FLI1: variants seen among roughly 807,000 people sequenced by gnomAD.
FLI1 encodes the protein Friend leukemia integration 1 transcription factor.
A neutral mutation model predicts 53.1 loss-of-function variants in FLI1; 13 were observed. The observed-to-expected ratio is 0.24, with a 90% CI of 0.16 to 0.39. The LOEUF is 0.39. FLI1 is among the 10% of genes least tolerant of loss of function. The pLI is 1.00. For synonymous variants in FLI1, 244 were observed against 236.7 expected (o/e 1.03, Z -0.28); for missense variants, 424 against 600.5 (o/e 0.71, Z 3.07).
At chr11:128,740,503 T>G (rs1453713445) in intron 1 of FLI1, among the ~76,000 whole-genome samples, 1 of 152,238 alleles carries the variant, frequency 6.6e-6, no homozygotes, top group East Asian at 1.9e-4. Flanking sequence ...GGTTCCAACA[T>G]ACTTTTAGCT....
At chr11:128,799,750 T>G (rs1475439772) in intron 5 of FLI1, among the ~76,000 whole-genome samples, 1 of 152,132 alleles carries the variant, frequency 6.6e-6, no homozygotes, top group African/African-American at 2.4e-5. Flanking sequence ...GGTCCTGAGC[T>G]GTGGGTTGGG....
In FLI1 at chr11:128,777,791, A is replaced by G. The variant is rs534337827; in HGVS notation, c.590-4167A>G. Reference sequence around the variant, plus strand: ...CTGTGAGGGGGCACTGGTGAATTCTATGGTCACAGCGAGGCAGGAGACAAA... The same window carrying G: ...CTGTGAGGGGGCACTGGTGAATTCTGTGGTCACAGCGAGGCAGGAGACAAA... On this transcript the variant is annotated intron_variant, in intron 4 of 8. Coordinates refer to ENST00000527786, the MANE Select transcript of FLI1 (RefSeq NM_002017.5). Among the ~76,000 whole-genome samples, 11 of 152,352 alleles carry G rather than the reference A, an allele frequency of 7.2e-5. No individual in the cohort carries two copies. The East Asian group carries it at 1.9e-3, about 27-fold the overall frequency.
At chr11:128,741,703 T>G (rs574996394) in intron 1 of FLI1, among the ~76,000 whole-genome samples, 2 of 152,218 alleles carry the variant, frequency 1.3e-5, no homozygotes, top group African/African-American at 4.8e-5. Context: ...CCTGAGCCAA[T>G]GAAGTGTTAA....
intron 1 of FLI1, among the ~76,000 whole-genome samples, chr11:128,731,307 G>A (rs989358902): frequency 6.6e-6 from 1 of 152,192 alleles, no homozygotes; most frequent in African/African-American, 2.4e-5. Context: ...TAAATGTGGG[G>A]GGGTTGGTGA....
intron 4 of FLI1, among the ~76,000 whole-genome samples, chr11:128,775,144 A>G (rs1941692635): frequency 1.3e-5 from 2 of 152,186 alleles, no homozygotes; most frequent in African/African-American, 4.8e-5. Context: ...TTGAAAATGC[A>G]GGGCAGATAT....
chr11:128,692,545 A>T (rs1300920893), upstream of FLI1: 1 of 151,526 alleles, frequency 6.6e-6, no homozygotes, highest in African/African-American at 2.4e-5. Context: ...CGAACCCAAA[A>T]TTGGAGCCGA....
chr11:128,778,735 A>T (rs1422351159), intron 4 of FLI1, among the ~76,000 whole-genome samples: 2 of 152,210 alleles, frequency 1.3e-5, no homozygotes, highest in Non-Finnish European at 2.9e-5. Context: ...ATGTGCTGGC[A>T]TCGGGAAGGT....
intron 2 of FLI1, among the ~76,000 whole-genome samples, chr11:128,760,529 T>A (rs1405028687): frequency 7.0e-6 from 1 of 142,908 alleles, no homozygotes; most frequent in East Asian, 2.0e-4. Flanking sequence ...CCTTTTTTTT[T>A]TTTTTTTTTT....
At chr11:128,715,719 C>T (rs1422783198) in intron 1 of FLI1, among the ~76,000 whole-genome samples, 4 of 152,198 alleles carry the variant, frequency 2.6e-5, no homozygotes, top group East Asian at 3.9e-4. Flanking sequence ...TTGAATTCCA[C>T]CCGTAAAGGT....
chr11:128,799,395 T>C lies in FLI1; in HGVS notation c.656-5971T>C, dbSNP rs972163905. 2.0e-5 allele frequency among the ~76,000 whole-genome samples: 3 copies of C among 152,318 alleles called. No homozygotes were observed. In the East Asian group the frequency reaches 5.8e-4, roughly 29 times the overall value. On this transcript the variant is annotated intron_variant, in intron 5 of 8. Coordinates refer to ENST00000527786, the MANE Select transcript of FLI1 (RefSeq NM_002017.5). Reference sequence around the variant, plus strand: ...CAAGCAGGATGGAATAGACTCCATGTATATGGTGTGTATTTTTAAAATCAC... The same window carrying C: ...CAAGCAGGATGGAATAGACTCCATGCATATGGTGTGTATTTTTAAAATCAC...
chr11:128,707,820 G>A (rs1028296671), intron 1 of FLI1, among the ~76,000 whole-genome samples: 1 of 152,160 alleles, frequency 6.6e-6, no homozygotes, highest in Non-Finnish European at 1.5e-5. Flanking sequence ...AAAACCCTGT[G>A]TGTATTTCAT....
chr11:128,772,042 A>G (rs1372281764), intron 3 of FLI1, among the ~76,000 whole-genome samples: 2 of 95,122 alleles, frequency 2.1e-5, no homozygotes, highest in Non-Finnish European at 4.4e-5. Flanking sequence ...ACACACACAC[A>G]CACACACACA....
At chr11:128,697,818 G>A (rs940371436) in intron 1 of FLI1, among the ~76,000 whole-genome samples, 2 of 152,128 alleles carry the variant, frequency 1.3e-5, no homozygotes, top group Admixed American at 1.3e-4. Flanking sequence ...TGTGTATTGA[G>A]GATAAAACAG....
chr11:128,742,641 G>A (rs540488773), intron 1 of FLI1, among the ~76,000 whole-genome samples: 18 of 152,352 alleles, frequency 1.2e-4, no homozygotes, highest in South Asian at 2.1e-4. Context: ...GCCTCACAAG[G>A]CGAGTTGCTT....
intron 1 of FLI1, among the ~76,000 whole-genome samples, chr11:128,719,926 CT>C (rs568432161): frequency 1.3e-5 from 2 of 152,082 alleles, no homozygotes; most frequent in Admixed American, 6.6e-5. Flanking sequence ...TCTTGGCTTA[CT>C]TTTTTTTAAA....
chr11:128,726,161 G>T (rs1355642958), intron 1 of FLI1, among the ~76,000 whole-genome samples: 1 of 152,122 alleles, frequency 6.6e-6, no homozygotes, highest in East Asian at 1.9e-4. Flanking sequence ...TCTGAAGCAT[G>T]ACTGGCAGAC....
At chr11:128,740,673 A>G (rs1203789658) in intron 1 of FLI1, among the ~76,000 whole-genome samples, 1 of 152,274 alleles carries the variant, frequency 6.6e-6, no homozygotes, top group Non-Finnish European at 1.5e-5. Context: ...CCTTTGGGTT[A>G]TGACAGCAAT....
At chr11:128,748,680 A>T (rs1940519370) in intron 1 of FLI1, among the ~76,000 whole-genome samples, 1 of 152,062 alleles carries the variant, frequency 6.6e-6, no homozygotes, top group South Asian at 2.1e-4. Context: ...GGACACTCTG[A>T]AGCTCTGTGG....
intron 1 of FLI1, among the ~76,000 whole-genome samples, chr11:128,757,045 TTTC>T (rs1365650802): frequency 0.013 from 208 of 15,642 alleles, no homozygotes; most frequent in African/African-American, 0.036. Context: ...TAGCTAATTT[TTTC>T]TTTCTTTCTT....
Sources: allele counts gnomAD v4.1 joint callset (sites outside exome capture counted in the v4.1 genomes callset), GRCh38; gene constraint gnomAD v4.1.1; transcripts MANE v1.5; gene names NCBI Gene and HGNC (gene_info 2026-07-23, HGNC 2026-07-21).